The following OCIAD2 variants were observed in gnomAD, a reference collection of about 807,000 sequenced individuals.
OCIAD2 encodes OCIA domain containing 2.
OCIAD2 carries 29 observed loss-of-function variants against 22.9 expected under a neutral mutation model. That is an observed-to-expected ratio of 1.27 (90% CI 0.94 to 1.73). The LOEUF (loss-of-function observed/expected upper bound fraction) is 1.73, where lower values mean the gene tolerates loss of function less well. OCIAD2 is among the 40% of genes most tolerant of loss of function. OCIAD2 has a pLI of 0.00. For missense variants in OCIAD2, 189 were observed against 180.3 expected, an observed-to-expected ratio of 1.05 and a Z score of -0.28; for synonymous variants, 67 against 60.2, an observed-to-expected ratio of 1.11 and a Z score of -0.52.
chr4:48,904,712 T>C (rs1781491377), intron 1 of OCIAD2, 101 bp from the exon 2 acceptor site: 1 of 679,708 alleles, frequency 1.5e-6, no homozygotes, highest in Admixed American at 2.6e-5. Flanking sequence ...AAATGTGTTT[T>C]TCCTTTTGTC....
At chr4:48,890,880 T>C (rs1781160902) in intron 6 of OCIAD2, among the ~76,000 whole-genome samples, 1 of 152,132 alleles carries the variant, frequency 6.6e-6, no homozygotes, top group Non-Finnish European at 1.5e-5. Context: ...CCTGAAGACA[T>C]GGAGGAGGAA....
At chr4:48,900,138 G>T (rs987853857) in intron 2 of OCIAD2, among the ~76,000 whole-genome samples, 2 of 149,528 alleles carry the variant, frequency 1.3e-5, no homozygotes, top group African/African-American at 4.9e-5. Flanking sequence ...TCGGAGAGTG[G>T]GAGTGATTCA....
intron 2 of OCIAD2, among the ~76,000 whole-genome samples, chr4:48,901,237 A>C (rs964356140): frequency 6.6e-6 from 1 of 152,014 alleles, no homozygotes; most frequent in Admixed American, 6.6e-5. Context: ...TAACTGCTGC[A>C]TAACTGTGCA....
At position 48,885,429 on chromosome 4, in the gene OCIAD2, TA is replaced by T; in HGVS notation, c.*54del. The T allele has an allele frequency of 2.2e-6, 2 of 920,858 alleles. No homozygotes were observed. The highest frequency in any genetic ancestry group is 3.6e-6 in the Non-Finnish European group (2 of 559,154). 57.0% of individuals were successfully genotyped at this position (920,858 alleles called of 1,614,324 possible). A position where few individuals can be genotyped will look rare whatever the true frequency, so the allele number is the denominator to read the frequency against. Reference sequence around the variant, plus strand: ...TTATTTTAAAGTACACTTGAAATTTTAAATGTGTACAAATTCAGAGGTTTAA... The same window carrying T: ...TTATTTTAAAGTACACTTGAAATTTTAATGTGTACAAATTCAGAGGTTTAA... On this transcript the variant is annotated 3_prime_UTR_variant, in exon 7 of 7. Transcript: ENST00000508632.
intron 6 of OCIAD2, among the ~76,000 whole-genome samples, chr4:48,889,962 C>T (rs559884185): frequency 6.6e-5 from 10 of 152,038 alleles, no homozygotes; most frequent in Admixed American, 3.3e-4. Context: ...TGCAGGGACA[C>T]GGATGAAACT....
Position 48,892,859 on chromosome 4 carries a change from T to A in OCIAD2, c.296A>T (p.Lys99Met). ...CTGGCATACTCCTATGTATGATACC[T>A]TTCCAAGGCCAAATCCCAAGAGACC... is the stretch of plus-strand genomic sequence containing the variant. ...LAGLLGFGLG[K>M]VSYIGVCQSK... is the part of the protein sequence containing the mutation. The change falls in exon 6 of 7, where the codon AAG becomes ATG. Residue 99 changes from lysine to methionine, a missense_variant. Lys to Met is a moderately conservative substitution (Grantham distance 95, BLOSUM62 -1). Transcript: ENST00000508632. 1 of 1,609,398 alleles carries A rather than the reference T, an allele frequency of 6.2e-7. No individual in the cohort carries two copies. Among genetic ancestry groups the A allele is most frequent in the Non-Finnish European group, 8.5e-7 (1 of 1,177,258 alleles).
intron 5 of OCIAD2, chr4:48,893,751 G>A (rs1372210806): frequency 4.0e-6 from 1 of 248,924 alleles, no homozygotes; most frequent in African/African-American, 2.2e-5. Flanking sequence ...AATAGGGGCT[G>A]ATTTTTCCAA....
Position 48,897,742 on chromosome 4 carries a change from A to G in OCIAD2, c.217+62T>C, listed in dbSNP as rs376938220. On this transcript the variant is annotated intron_variant, in intron 4 of 6. Transcript: ENST00000508632. ...AAATGTCAAGGGCCAAAAAGCTGCCAGGAGGGTCACAGTAAACTGGGCTCT... is the reference window on the plus strand; with the variant it reads ...AAATGTCAAGGGCCAAAAAGCTGCCGGGAGGGTCACAGTAAACTGGGCTCT... 1.4e-4 allele frequency: 175 copies of G among 1,267,366 alleles called. No individual in the cohort carries two copies. In the African/African-American group the frequency reaches 2.3e-3, roughly 17 times the overall value. 78.5% of individuals were successfully genotyped at this position (1,267,366 alleles called of 1,614,324 possible).
chr4:48,903,964 A>AAAATTTT (rs1246833645), intron 2 of OCIAD2, among the ~76,000 whole-genome samples: 1 of 152,078 alleles, frequency 6.6e-6, no homozygotes, highest in Admixed American at 6.5e-5. Context: ...TTTTGTAAAT[A>AAAATTTT]AAATTTTAAA....
intron 3 of OCIAD2, among the ~76,000 whole-genome samples, 196 bp downstream of exon 3, chr4:48,899,633 G>A (rs1331222942): frequency 1.3e-5 from 2 of 152,140 alleles, no homozygotes; most frequent in African/African-American, 4.8e-5. Context: ...GCTAAGTGAG[G>A]TAAAGTGCTC....
chr4:48,900,301 C>T (rs1781388522), intron 2 of OCIAD2, among the ~76,000 whole-genome samples: 1 of 152,158 alleles, frequency 6.6e-6, no homozygotes, highest in Non-Finnish European at 1.5e-5. Flanking sequence ...GGCCTTAACA[C>T]CCAGCTGAAC....
chr4:48,889,569 C>T (rs1781104289), intron 6 of OCIAD2, among the ~76,000 whole-genome samples: 1 of 152,164 alleles, frequency 6.6e-6, no homozygotes, highest in South Asian at 2.1e-4. Flanking sequence ...TCATCTCACA[C>T]CAGTTAGAAT....
intron 5 of OCIAD2, chr4:48,893,538 T>C (rs1277105206): frequency 6.6e-6 from 1 of 152,348 alleles, no homozygotes; most frequent in East Asian, 1.9e-4. Flanking sequence ...AGAAAACATT[T>C]TGAAAAGACT....
At chr4:48,889,809 A>G (rs1467257011) in intron 6 of OCIAD2, among the ~76,000 whole-genome samples, 1 of 152,254 alleles carries the variant, frequency 6.6e-6, no homozygotes. Flanking sequence ...ATGCACAGGT[A>G]TGTTTATTGT....
intron 3 of OCIAD2, among the ~76,000 whole-genome samples, chr4:48,898,736 T>G (rs1262725615): frequency 1.3e-5 from 2 of 152,232 alleles, no homozygotes; most frequent in African/African-American, 4.8e-5. Context: ...TATGTTCACG[T>G]TAAACATGTG....
At chr4:48,901,598 C>G (rs571318934) in intron 2 of OCIAD2, among the ~76,000 whole-genome samples, 1 of 152,254 alleles carries the variant, frequency 6.6e-6, no homozygotes, top group Admixed American at 6.5e-5. Flanking sequence ...TTGACTATCT[C>G]TACATATTTT....
chr4:48,904,376 C>T, intron 2 of OCIAD2, 108 bp downstream of exon 2: 1 of 937,720 alleles, frequency 1.1e-6, no homozygotes. Context: ...CTTAATCCAG[C>T]AGTTCGAGAC....
Position 48,904,546 on chromosome 4 carries a change from C to A in OCIAD2, c.4G>T (p.Ala2Ser). The A allele has an allele frequency of 6.2e-7, 1 of 1,614,016 alleles. No homozygotes were observed. Among genetic ancestry groups the A allele is most frequent in the Non-Finnish European group, 8.5e-7 (1 of 1,179,972 alleles). ...TGGTTTCCACGAGCAGACGCTGAAG[C>A]CATGATGACTTTGTGCTTGCTCTCC... MASASARGNQDK... is the reference protein window; with the variant it reads MSSASARGNQDK... The change falls in exon 2 of 7, where the codon GCT becomes TCT. Residue 2 changes from alanine (A) to serine (S), a missense_variant. Physicochemically the swap from Ala to Ser is moderately conservative, Grantham distance 99. Coordinates refer to ENST00000508632, the MANE Select transcript of OCIAD2 (RefSeq NM_001014446.3).
chr4:48,893,232 T>C (rs1302639566), intron 5 of OCIAD2: 1 of 161,900 alleles, frequency 6.2e-6, no homozygotes, highest in Non-Finnish European at 1.3e-5. Context: ...TCCAAATCAC[T>C]GGGTAGAAAT....
Sources: gnomAD v4.1 joint callset for allele counts (sites outside exome capture counted in the v4.1 genomes callset) on GRCh38, gnomAD v4.1.1 for gene constraint, MANE v1.5 for transcripts, NCBI Gene and HGNC (gene_info 2026-07-23, HGNC 2026-07-21) for gene names.